The following VDAC1 variants were observed in gnomAD, a reference collection of about 807,000 sequenced individuals.
The protein encoded by VDAC1 is non-selective voltage-gated ion channel VDAC1.
Under a neutral mutation model 34.7 loss-of-function variants are expected in VDAC1, and 10 were observed. The observed-to-expected ratio is 0.29, with a 90% confidence interval of 0.18 to 0.49. The LOEUF (loss-of-function observed/expected upper bound fraction) is 0.49, where lower values mean the gene tolerates loss of function less well. Ranked by LOEUF, VDAC1 falls within the 20% of genes least tolerant of loss-of-function variation. The pLI is 0.99. For missense variants in VDAC1, 230 were observed against 347.9 expected (o/e 0.66, Z 2.69); for synonymous variants, 130 against 136.0 (o/e 0.96, Z 0.30).
the VDAC1 span, among the ~76,000 whole-genome samples, chr5:134,063,276 T>C: frequency 6.6e-6 from 1 of 152,200 alleles, no homozygotes; most frequent in African/African-American, 2.4e-5. Context: ...CCCACTAATG[T>C]CCTTTCTCCG....
At chr5:134,099,834 C>T in the VDAC1 span, among the ~76,000 whole-genome samples, 24 of 152,214 alleles carry the variant, frequency 1.6e-4, no homozygotes, top group Non-Finnish European at 3.1e-4. Context: ...CCTCCAGTCT[C>T]GGCCTCTCAA....
the VDAC1 span, among the ~76,000 whole-genome samples, chr5:134,093,358 AGT>A: frequency 1.8e-4 from 27 of 151,434 alleles, no homozygotes; most frequent in African/African-American, 5.6e-4. Flanking sequence ...CACGCATATA[AGT>A]GTGTGTGTGT....
At chr5:134,095,480 CTCAG>C in the VDAC1 span, among the ~76,000 whole-genome samples, 83 of 117,434 alleles carry the variant, frequency 7.1e-4, no homozygotes, top group Middle Eastern at 4.5e-3. Flanking sequence ...GAGACTCTGT[CTCAG>C]TAAATAAATA....
chr5:134,067,652 G>A, the VDAC1 span, among the ~76,000 whole-genome samples: 4 of 148,472 alleles, frequency 2.7e-5, no homozygotes, highest in African/African-American at 7.5e-5. Context: ...AAGGGGAGGC[G>A]GTGAGGGGGA....
chr5:134,047,975 C>T, the VDAC1 span, among the ~76,000 whole-genome samples: 8 of 150,142 alleles, frequency 5.3e-5, no homozygotes, highest in African/African-American at 2.0e-4. Flanking sequence ...CCGGGTTCTG[C>T]ACCACTACAC....
chr5:134,016,636 C>T, the VDAC1 span, among the ~76,000 whole-genome samples: 8 of 152,106 alleles, frequency 5.3e-5, no homozygotes, highest in African/African-American at 1.9e-4. Context: ...TGCTAACGGG[C>T]ACCACTTTGT....
At chr5:134,068,664 T>C in the VDAC1 span, among the ~76,000 whole-genome samples, 299 of 152,274 alleles carry the variant, frequency 2.0e-3, 2 homozygotes, top group African/African-American at 6.8e-3. Context: ...CGTGGCTAGG[T>C]ATAAAGTGAT....
intron 6 of VDAC1, among the ~76,000 whole-genome samples, chr5:133,979,948 A>G (rs1752630546): frequency 6.6e-6 from 1 of 152,156 alleles, no homozygotes; most frequent in African/African-American, 2.4e-5. Context: ...CAAATTAATG[A>G]TAAAAATTCC....
chr5:134,091,558 A>T, the VDAC1 span, among the ~76,000 whole-genome samples: 2 of 152,210 alleles, frequency 1.3e-5, no homozygotes, highest in Non-Finnish European at 2.9e-5. Flanking sequence ...GAGCAAGAAA[A>T]GCACAAATGC....
chr5:134,030,788 GTAGGGGTTTTT>G, the VDAC1 span, among the ~76,000 whole-genome samples: 1 of 151,998 alleles, frequency 6.6e-6, no homozygotes, highest in South Asian at 2.1e-4. Context: ...TGTATTTTTA[GTAGGGGTTTTT>G]TAGGGGTTTT....
At chr5:133,990,826 C>G (rs768160086) in intron 5 of VDAC1, 29 bp downstream of exon 5, 4 of 1,524,184 alleles carry the variant, frequency 2.6e-6, no homozygotes, top group Non-Finnish European at 3.5e-6. Flanking sequence ...AGAGAACATC[C>G]TTGTGGAGAA....
the VDAC1 span, among the ~76,000 whole-genome samples, chr5:134,045,461 T>A: frequency 6.6e-6 from 1 of 152,208 alleles, no homozygotes; most frequent in Non-Finnish European, 1.5e-5. Context: ...AATCATTTCC[T>A]TGCCTTTTCT....
intron 1 of VDAC1, 138 bp downstream of exon 1, chr5:134,004,757 G>GGCGGCGCGGACGGCGGCGGC (rs1554093560): frequency 2.5e-4 from 37 of 149,768 alleles, no homozygotes; most frequent in Non-Finnish European, 3.9e-4. Context: ...CCAAGGGCGG[G>GGCGGCGCGGACGGCGGCGGC]GCGGCGCGGA....
the VDAC1 span, among the ~76,000 whole-genome samples, chr5:134,079,747 C>T: frequency 3.9e-5 from 6 of 152,180 alleles, no homozygotes; most frequent in East Asian, 1.2e-3. Context: ...TGAGTTGCTG[C>T]CCCAGGCCTT....
intron 5 of VDAC1, among the ~76,000 whole-genome samples, chr5:133,987,620 G>C: frequency 6.6e-6 from 1 of 151,924 alleles, no homozygotes; most frequent in East Asian, 1.9e-4. Context: ...AGAGGTTGCA[G>C]TGAGCCAGGA....
the VDAC1 span, among the ~76,000 whole-genome samples, chr5:134,048,306 G>A: frequency 0.011 from 1,601 of 147,956 alleles, 28 homozygotes; most frequent in African/African-American, 0.038. Flanking sequence ...TCGCTCTGTC[G>A]CCCAGGCTGG....
intron 6 of VDAC1, among the ~76,000 whole-genome samples, chr5:133,977,207 C>T (rs1051845350): frequency 1.6e-4 from 25 of 152,218 alleles, no homozygotes; most frequent in Non-Finnish European, 2.9e-4. Flanking sequence ...ATACAGTTGG[C>T]ACTGACCCAG....
chr5:134,089,827 T>C, the VDAC1 span, among the ~76,000 whole-genome samples: 2 of 151,960 alleles, frequency 1.3e-5, no homozygotes, highest in African/African-American at 2.4e-5. Flanking sequence ...CCGTCTCTAC[T>C]AAAAATACAA....
chr5:133,976,794 A>G (rs1752498897), intron 6 of VDAC1, among the ~76,000 whole-genome samples: 1 of 152,208 alleles, frequency 6.6e-6, no homozygotes, highest in African/African-American at 2.4e-5. Context: ...CTATAATCCC[A>G]GCACTTTGGG....
Sources: gnomAD v4.1 joint callset for allele counts (sites outside exome capture counted in the v4.1 genomes callset) on GRCh38, gnomAD v4.1.1 for gene constraint, MANE v1.5 for transcripts, NCBI Gene and HGNC (gene_info 2026-07-23, HGNC 2026-07-21) for gene names.